The following CACNA2D3 variants were observed in gnomAD, a reference collection of about 807,000 sequenced individuals.
The protein encoded by CACNA2D3 is calcium voltage-gated channel auxiliary subunit alpha2delta 3.
CACNA2D3 carries 60 observed loss-of-function variants against 160.6 expected under a neutral mutation model. The ratio of observed to expected loss-of-function variants is 0.37; its 90% CI spans 0.30 to 0.46. The LOEUF (loss-of-function observed/expected upper bound fraction) is 0.46, where lower values mean the gene tolerates loss of function less well. CACNA2D3 is among the 20% of genes least tolerant of loss of function. The pLI, the probability that CACNA2D3 is intolerant of heterozygous loss-of-function variation, is 1.00. For synonymous variants in CACNA2D3, 558 were observed against 492.9 expected (o/e 1.13, Z -1.75); for missense variants, 1,205 against 1,365.0 (o/e 0.88, Z 1.85).
chr3:54,793,534 A>G (rs1204970014), intron 13 of CACNA2D3, among the ~76,000 whole-genome samples: 1 of 152,206 alleles, frequency 6.6e-6, no homozygotes, highest in African/African-American at 2.4e-5. Context: ...AATGTCTTTC[A>G]GAGAGAGACA....
chr3:54,709,767 A>C (rs1025080822), intron 11 of CACNA2D3, among the ~76,000 whole-genome samples: 3 of 152,166 alleles, frequency 2.0e-5, no homozygotes, highest in East Asian at 3.9e-4. Flanking sequence ...CATACAAAAA[A>C]ATTTGAAAAT....
At chr3:54,534,945 G>A (rs1701864545) in intron 5 of CACNA2D3, among the ~76,000 whole-genome samples, 1 of 152,052 alleles carries the variant, frequency 6.6e-6, no homozygotes, top group South Asian at 2.1e-4. Flanking sequence ...AACAATATAA[G>A]TAAAATAAAT....
intron 13 of CACNA2D3, among the ~76,000 whole-genome samples, chr3:54,792,091 C>G (rs1702769208): frequency 6.6e-6 from 1 of 152,156 alleles, no homozygotes; most frequent in Admixed American, 6.5e-5. Context: ...GGTTAGTTCC[C>G]TGAATATCCA....
chr3:54,122,791 G>A lies in CACNA2D3; in HGVS notation c.78G>A (p.Ala26=). Residue 26 remains alanine, a synonymous_variant, in exon 1 of 38, where the codon GCG becomes GCA. Transcript: ENST00000474759. ...TCGCTGCCGCGCTTCTCTACGCCGC[G>A]CTGGGGGACGTGGTGCGCTCGGAGC... is the stretch of plus-strand genomic sequence containing the variant. ...ALLAAALLYA[A]LGDVVRSEQQ... 8.1e-7 allele frequency: 1 copy of A among 1,231,312 alleles called. No homozygotes were observed. Among genetic ancestry groups the A allele is most frequent in the Non-Finnish European group, 1.0e-6 (1 of 982,576 alleles). The allele number at this position is 1,231,312 out of a possible 1,614,324, so 76.3% of individuals were successfully genotyped here.
intron 11 of CACNA2D3, among the ~76,000 whole-genome samples, chr3:54,671,879 C>T (rs492885): frequency 0.58 from 87,519 of 152,024 alleles, 27,642 homozygotes; most frequent in Admixed American, 0.72. Context: ...GTGGGTCTGC[C>T]CCCATCTGCC....
intron 4 of CACNA2D3, among the ~76,000 whole-genome samples, chr3:54,482,280 A>G (rs1700946157): frequency 6.6e-6 from 1 of 152,162 alleles, no homozygotes; most frequent in Non-Finnish European, 1.5e-5. Context: ...TAGGAATGGA[A>G]CTGTGGTGCG....
intron 10 of CACNA2D3, among the ~76,000 whole-genome samples, chr3:54,630,967 C>T (rs541722662): frequency 6.6e-6 from 1 of 152,124 alleles, no homozygotes; most frequent in African/African-American, 2.4e-5. Context: ...TTTGGGAGGG[C>T]GAGGTGGGCG....
At chr3:54,801,659 T>A (rs1702990413) in intron 13 of CACNA2D3, among the ~76,000 whole-genome samples, 1 of 152,204 alleles carries the variant, frequency 6.6e-6, no homozygotes, top group Admixed American at 6.5e-5. Flanking sequence ...TGTCTTTTTT[T>A]GGCCTATCTT....
intron 3 of CACNA2D3, among the ~76,000 whole-genome samples, chr3:54,380,928 T>C (rs962985682): frequency 2.6e-5 from 4 of 152,202 alleles, no homozygotes; most frequent in African/African-American, 9.6e-5. Context: ...ATTCAATAAC[T>C]AACTCCAAGT....
At chr3:54,350,989 T>TTG (rs1553632791) in intron 3 of CACNA2D3, among the ~76,000 whole-genome samples, 15 of 120,886 alleles carry the variant, frequency 1.2e-4, no homozygotes, top group Non-Finnish European at 1.8e-4. Flanking sequence ...TTTGTTTGTT[T>TTG]TTTTTTTTTT....
intron 11 of CACNA2D3, among the ~76,000 whole-genome samples, chr3:54,715,393 A>G (rs1197416696): frequency 6.6e-6 from 1 of 152,192 alleles, no homozygotes. Flanking sequence ...TCCCATGTTC[A>G]GCTGTCTGAA....
At chr3:54,816,391 C>T (rs796870991) in intron 13 of CACNA2D3, among the ~76,000 whole-genome samples, 5 of 152,140 alleles carry the variant, frequency 3.3e-5, no homozygotes, top group South Asian at 4.1e-4. Flanking sequence ...CACAGTGTCC[C>T]TTGGCCTCTA....
At chr3:54,580,414 A>G (rs998690178) in intron 8 of CACNA2D3, among the ~76,000 whole-genome samples, 10 of 151,950 alleles carry the variant, frequency 6.6e-5, no homozygotes, top group African/African-American at 2.4e-4. Context: ...CCAAACTCGT[A>G]TCTTTATTCC....
rs769781704 is a variant in CACNA2D3 at position 54,880,883 on chromosome 3, G to A, written c.1912+20G>A. 20 of 1,609,332 alleles carry A rather than the reference G, an allele frequency of 1.2e-5. No individual in the cohort carries two copies. Among genetic ancestry groups the A allele is most frequent in the African/African-American group, 8.0e-5 (6 of 74,810 alleles). ...AAGAAGGTAAGATACTGCCTGGCTCGTCTTATCCTTTGGTGTGGGAGGAAA... is the reference window on the plus strand; with the variant it reads ...AAGAAGGTAAGATACTGCCTGGCTCATCTTATCCTTTGGTGTGGGAGGAAA... On this transcript the variant is annotated intron_variant, in intron 21 of 37. Coordinates refer to ENST00000474759, the MANE Select transcript of CACNA2D3 (RefSeq NM_018398.3).
intron 35 of CACNA2D3, among the ~76,000 whole-genome samples, chr3:55,051,442 TGAG>T (rs1704211262): frequency 6.6e-6 from 1 of 152,134 alleles, no homozygotes; most frequent in Non-Finnish European, 1.5e-5. Flanking sequence ...GGGACCCACT[TGAG>T]GAGGCAGTCT....
intron 11 of CACNA2D3, among the ~76,000 whole-genome samples, chr3:54,672,852 G>A (rs1700184082): frequency 6.6e-6 from 1 of 152,202 alleles, no homozygotes; most frequent in Admixed American, 6.6e-5. Context: ...ATGGTGGCTG[G>A]CACGAGTAAA....
At chr3:55,072,794 G>T (rs1704840785) in intron 35 of CACNA2D3, among the ~76,000 whole-genome samples, 1 of 152,174 alleles carries the variant, frequency 6.6e-6, no homozygotes, top group Non-Finnish European at 1.5e-5. Context: ...TGCCAAGCTT[G>T]TTTAAGTTGG....
At position 55,069,492 on chromosome 3, in the gene CACNA2D3, T is replaced by C. The variant is rs545563666; in HGVS notation, c.2988-3953T>C. ...TTTATTCTTGGGCCTTTTATACTGA[T>C]TATTGATACTATCAATGGTTCTTTA... On this transcript the variant is annotated intron_variant, in intron 35 of 37. Transcript: ENST00000474759. Among the ~76,000 whole-genome samples the C allele has an allele frequency of 2.6e-4, 39 of 152,134 alleles. 2 individuals carry two copies. In the South Asian group the frequency reaches 8.1e-3, roughly 31 times the overall value.
At chr3:54,932,760 A>G (rs200225074) in intron 27 of CACNA2D3, among the ~76,000 whole-genome samples, 3 of 152,192 alleles carry the variant, frequency 2.0e-5, no homozygotes, top group East Asian at 3.9e-4. Context: ...GTGCTCCTCC[A>G]TCCCTGTCAA....
Sources: allele counts gnomAD v4.1 joint callset (sites outside exome capture counted in the v4.1 genomes callset), GRCh38; gene constraint gnomAD v4.1.1; transcripts MANE v1.5; gene names NCBI Gene and HGNC (gene_info 2026-07-23, HGNC 2026-07-21).